The following SLC24A2 variants were observed in gnomAD, a reference collection of about 807,000 sequenced individuals.
SLC24A2 encodes the protein solute carrier family 24 member 2.
SLC24A2 carries 36 observed loss-of-function variants against 62.0 expected under a neutral mutation model. The ratio of observed to expected loss-of-function variants is 0.58; its 90% CI spans 0.44 to 0.77. SLC24A2 has a LOEUF of 0.77. Among genes scored for constraint, SLC24A2 ranks in the 30% least tolerant of loss-of-function variants. The probability of loss-of-function intolerance (pLI) is 0.00; values close to 1 mark genes in which losing one functional copy is unlikely to be tolerated. For synonymous variants in SLC24A2, 358 were observed against 294.0 expected, an observed-to-expected ratio of 1.22 and a Z score of -2.23; for missense variants, 846 against 817.9, an observed-to-expected ratio of 1.03 and a Z score of -0.42.
chr9:19,684,624 A>T (rs970582729), intron 2 of SLC24A2, among the ~76,000 whole-genome samples: 2 of 152,062 alleles, frequency 1.3e-5, no homozygotes, highest in African/African-American at 4.8e-5. Flanking sequence ...TTTCATCTAG[A>T]CTTGTTGATA....
the SLC24A2 span, among the ~76,000 whole-genome samples, chr9:19,846,420 T>G: frequency 9.2e-5 from 14 of 152,326 alleles, no homozygotes; most frequent in East Asian, 2.3e-3. Flanking sequence ...ACACTTGTTC[T>G]TTTCGTTTTC....
the SLC24A2 span, among the ~76,000 whole-genome samples, chr9:20,199,722 CT>C: frequency 7.9e-3 from 1,148 of 145,544 alleles, 12 homozygotes; most frequent in Admixed American, 0.015. Context: ...TTTTTTCTTT[CT>C]TTTTTTTTTT....
the SLC24A2 span, among the ~76,000 whole-genome samples, chr9:20,050,872 AG>A: frequency 1.3e-5 from 2 of 152,228 alleles, no homozygotes; most frequent in African/African-American, 4.8e-5. Flanking sequence ...AAAAAGGCAG[AG>A]AACAACCTGA....
At chr9:20,193,373 C>T in the SLC24A2 span, among the ~76,000 whole-genome samples, 1 of 152,174 alleles carries the variant, frequency 6.6e-6, no homozygotes, top group Admixed American at 6.5e-5. Flanking sequence ...ATTCTCCCAG[C>T]TTCCCTTTAA....
At chr9:19,709,493 T>C (rs1279145963) in intron 2 of SLC24A2, among the ~76,000 whole-genome samples, 1 of 151,940 alleles carries the variant, frequency 6.6e-6, no homozygotes, top group Non-Finnish European at 1.5e-5. Flanking sequence ...TAGCAAAGAC[T>C]TGGAACCAAC....
the SLC24A2 span, among the ~76,000 whole-genome samples, chr9:20,061,979 T>C: frequency 6.6e-6 from 1 of 152,192 alleles, no homozygotes; most frequent in Non-Finnish European, 1.5e-5. Flanking sequence ...CTCACACCTG[T>C]AATCCCAGTG....
intron 2 of SLC24A2, among the ~76,000 whole-genome samples, chr9:19,706,210 T>C (rs1820510419): frequency 6.6e-6 from 1 of 151,608 alleles, no homozygotes; most frequent in South Asian, 2.1e-4. Context: ...TCTCTTTTGA[T>C]CTTTGTTGGT....
chr9:20,292,805 G>C, the SLC24A2 span, among the ~76,000 whole-genome samples: 1 of 152,134 alleles, frequency 6.6e-6, no homozygotes, highest in Admixed American at 6.5e-5. Context: ...GCCCAGGCTA[G>C]TCTCAAACTC....
the SLC24A2 span, among the ~76,000 whole-genome samples, chr9:20,285,546 G>A: frequency 6.6e-6 from 1 of 152,116 alleles, no homozygotes; most frequent in Non-Finnish European, 1.5e-5. Context: ...CAGGCTTTTT[G>A]TTCTACTTAG....
At chr9:19,893,475 G>C in the SLC24A2 span, among the ~76,000 whole-genome samples, 1 of 152,144 alleles carries the variant, frequency 6.6e-6, no homozygotes, top group Non-Finnish European at 1.5e-5. Context: ...AAGTTTTGGA[G>C]ACACTCATGG....
At chr9:20,143,061 G>A in the SLC24A2 span, among the ~76,000 whole-genome samples, 1 of 152,162 alleles carries the variant, frequency 6.6e-6, no homozygotes, top group Middle Eastern at 3.2e-3. Context: ...ACCCACCAAT[G>A]AAGTGACAGA....
chr9:20,256,040 G>T, the SLC24A2 span, among the ~76,000 whole-genome samples: 1 of 152,156 alleles, frequency 6.6e-6, no homozygotes, highest in East Asian at 1.9e-4. Context: ...CATGGTAGAA[G>T]GGCAGAGAGT....
chr9:19,742,452 A>T (rs563597940), intron 2 of SLC24A2, among the ~76,000 whole-genome samples: 6 of 152,348 alleles, frequency 3.9e-5, no homozygotes, highest in Non-Finnish European at 7.3e-5. Flanking sequence ...TTATCTTCTT[A>T]AACTGATAGA....
chr9:19,847,996 A>G, the SLC24A2 span, among the ~76,000 whole-genome samples: 2 of 152,158 alleles, frequency 1.3e-5, no homozygotes, highest in African/African-American at 4.8e-5. Context: ...CTCTTTTTCA[A>G]CAGGAAGCTA....
rs1823250695 is a variant in SLC24A2 at position 19,788,658 on chromosome 9, C to T, written c.-154+227G>A. 5.1e-6 allele frequency: 5 copies of T among 985,090 alleles called. No individual in the cohort carries two copies. The East Asian group carries it at 3.4e-4, about 67-fold the overall frequency. The allele number at this position is 985,090 out of a possible 1,614,324, so 61.0% of individuals were successfully genotyped here. A position where few individuals can be genotyped will look rare whatever the true frequency, so the allele number is the denominator to read the frequency against. On this transcript the variant is annotated intron_variant, in intron 1 of 10. Coordinates refer to ENST00000341998, the MANE Select transcript of SLC24A2 (RefSeq NM_020344.4). ...TCCCCCGACGGCAGGCCCTGCCCCA[C>T]GCCCCCCATCCCAAGCCAAAAGCAA...
At chr9:19,998,735 G>T in the SLC24A2 span, among the ~76,000 whole-genome samples, 1 of 152,244 alleles carries the variant, frequency 6.6e-6, no homozygotes, top group Admixed American at 6.5e-5. Flanking sequence ...GCTCTGGACA[G>T]AATGGTCTGG....
At chr9:20,067,420 A>T in the SLC24A2 span, among the ~76,000 whole-genome samples, 2 of 151,966 alleles carry the variant, frequency 1.3e-5, no homozygotes, top group Admixed American at 6.6e-5. Context: ...TGATTTTTAA[A>T]TTTTTTTCAA....
At chr9:19,607,013 G>T (rs1277992092) in intron 4 of SLC24A2, among the ~76,000 whole-genome samples, 2 of 148,018 alleles carry the variant, frequency 1.4e-5, no homozygotes, top group African/African-American at 5.0e-5. Context: ...GTCAGAGAAA[G>T]TCATCTCATC....
chr9:19,675,946 G>C (rs1411724205), intron 2 of SLC24A2, among the ~76,000 whole-genome samples: 1 of 152,112 alleles, frequency 6.6e-6, no homozygotes, highest in African/African-American at 2.4e-5. Context: ...GTCTTTTCCA[G>C]TTCCTCTGGC....
Sources: allele counts gnomAD v4.1 joint callset (sites outside exome capture counted in the v4.1 genomes callset), GRCh38; gene constraint gnomAD v4.1.1; transcripts MANE v1.5; gene names NCBI Gene and HGNC (gene_info 2026-07-23, HGNC 2026-07-21).